LNX2: variants seen among roughly 807,000 people sequenced by gnomAD.
The protein encoded by LNX2 is ligand of Numb protein X 2.
In LNX2, 35 loss-of-function variants were observed where a neutral mutation model predicts 66.2. The ratio of observed to expected loss-of-function variants is 0.53; its 90% CI spans 0.40 to 0.70. The LOEUF (loss-of-function observed/expected upper bound fraction) is 0.70, where lower values mean the gene tolerates loss of function less well. LNX2 is among the 30% of genes least tolerant of loss of function. The pLI, the probability that LNX2 is intolerant of heterozygous loss-of-function variation, is 0.00. For synonymous variants in LNX2, 337 were observed against 315.6 expected, an observed-to-expected ratio of 1.07 and a Z score of -0.72; for missense variants, 791 against 850.8, an observed-to-expected ratio of 0.93 and a Z score of 0.87.
chr13:27,586,535 G>A (rs188203297), intron 1 of LNX2, among the ~76,000 whole-genome samples: 1 of 152,306 alleles, frequency 6.6e-6, no homozygotes, highest in African/African-American at 2.4e-5. Context: ...TCCCACAGGG[G>A]AGGAGCTCAA....
At position 27,547,098 on chromosome 13, in the gene LNX2, A is replaced by G. The variant is rs1274344736; in HGVS notation, c.*1237T>C. ...AAATACTCCTACCTGAACAAAATAA[A>G]AAGGTCTCCCTTTCTCCTACTTAGC... On this transcript the variant is annotated 3_prime_UTR_variant, in exon 10 of 10. Coordinates refer to ENST00000316334, the MANE Select transcript of LNX2 (RefSeq NM_153371.4). 1 of 152,200 alleles carries G rather than the reference A, an allele frequency of 6.6e-6. No individual in the cohort carries two copies. The highest frequency in any genetic ancestry group is 2.4e-5 in the African/African-American group (1 of 41,466). 9.4% of individuals were successfully genotyped at this position (152,200 alleles called of 1,614,324 possible).
chr13:27,560,001 ATACAT>A lies in LNX2; in HGVS notation c.1225-21_1225-17del, dbSNP rs375466733. The stretch of plus-strand genomic sequence containing the variant: ...CTCCACTGGCCTGGAGAAAACACAA[ATACAT>A]TACCATAAGTGACTAATGATGTTTG... On this transcript the variant is annotated splice_polypyrimidine_tract_variant and intron_variant, in intron 5 of 9. Transcript: ENST00000316334. The A allele has an allele frequency of 1.6e-5, 25 of 1,574,486 alleles. No homozygotes were observed. In the African/African-American group the frequency reaches 3.1e-4, roughly 20 times the overall value.
intron 1 of LNX2, among the ~76,000 whole-genome samples, chr13:27,606,180 A>G (rs1462151045): frequency 6.6e-6 from 1 of 152,220 alleles, no homozygotes; most frequent in Non-Finnish European, 1.5e-5. Flanking sequence ...TTGTACTACA[A>G]AATTCCCTAA....
chr13:27,579,867 C>A (rs1424696565), intron 2 of LNX2, among the ~76,000 whole-genome samples: 1 of 152,132 alleles, frequency 6.6e-6, no homozygotes. Context: ...AGGCCTCTGC[C>A]ATCATGTTCA....
intron 7 of LNX2, among the ~76,000 whole-genome samples, chr13:27,555,349 T>C (rs1018055545): frequency 3.9e-5 from 6 of 152,244 alleles, no homozygotes; most frequent in Admixed American, 1.3e-4. Flanking sequence ...TTCTGTCTTT[T>C]TAATTAGAGT....
chr13:27,556,406 G>C lies in LNX2; in HGVS notation c.1376C>G (p.Thr459Ser), dbSNP rs1566115684. 7.4e-6 allele frequency: 12 copies of C among 1,613,016 alleles called. No homozygotes were observed. Among genetic ancestry groups the C allele is most frequent in the Non-Finnish European group, 1.0e-5 (12 of 1,179,478 alleles). Reference protein sequence around the residue: ...YSRPSSHKDLTQCVTCQEKHI... With the variant: ...YSRPSSHKDLSQCVTCQEKHI... ...TTTTTCTTGGCATGTAACACACTGAGTAAGATCCTAAAACATACAAGAAAA... is the reference window on the plus strand; with the variant it reads ...TTTTTCTTGGCATGTAACACACTGACTAAGATCCTAAAACATACAAGAAAA... The change falls in exon 7 of 10, where the codon ACT becomes AGT. Residue 459 changes from threonine (T) to serine (S), a missense_variant. Coordinates refer to ENST00000316334, the MANE Select transcript of LNX2 (RefSeq NM_153371.4).
chr13:27,600,435 C>T (rs1821100007), intron 1 of LNX2, among the ~76,000 whole-genome samples: 1 of 152,024 alleles, frequency 6.6e-6, no homozygotes, highest in Non-Finnish European at 1.5e-5. Flanking sequence ...AAAATCTAAC[C>T]AGTAGATTAG....
intron 4 of LNX2, 106 bp from the exon 5 acceptor site, chr13:27,562,887 T>A: frequency 1.7e-6 from 2 of 1,149,702 alleles, no homozygotes; most frequent in Non-Finnish European, 2.5e-6. Flanking sequence ...GTGAGAGTGC[T>A]AAGTATGGTG....
Position 27,577,342 on chromosome 13 carries a change from A to G in LNX2, c.407+3955T>C, listed in dbSNP as rs774651666. ...ATACTGATAAGAATGTGCTAAACAC[A>G]AACTTCCCTCCAAGTTAAAGTGTGA... On this transcript the variant is annotated intron_variant, in intron 2 of 9. Transcript: ENST00000316334. Among the ~76,000 whole-genome samples the G allele has an allele frequency of 9.9e-5, 15 of 152,238 alleles. 1 individual carries two copies. Among genetic ancestry groups the G allele is most frequent in the Non-Finnish European group, 4.4e-5 (3 of 68,046 alleles).
chr13:27,619,733 T>C (rs529935782), intron 1 of LNX2, among the ~76,000 whole-genome samples: 10 of 152,340 alleles, frequency 6.6e-5, no homozygotes, highest in African/African-American at 1.9e-4. Context: ...GTTTAAAACG[T>C]GGCATACAGC....
At chr13:27,596,681 T>G (rs991023461) in intron 1 of LNX2, among the ~76,000 whole-genome samples, 1 of 152,230 alleles carries the variant, frequency 6.6e-6, no homozygotes, top group African/African-American at 2.4e-5. Flanking sequence ...ATAAAATCTT[T>G]CACAAAATCT....
chr13:27,592,019 CAGTA>C (rs1955550396), intron 1 of LNX2, among the ~76,000 whole-genome samples: 2 of 152,172 alleles, frequency 1.3e-5, no homozygotes, highest in Admixed American at 1.3e-4. Context: ...GTTCAATGAA[CAGTA>C]AGGAGGCCAG....
intron 4 of LNX2, among the ~76,000 whole-genome samples, chr13:27,565,372 C>A (rs886309023): frequency 6.6e-6 from 1 of 152,016 alleles, no homozygotes; most frequent in African/African-American, 2.4e-5. Flanking sequence ...GCTAAAAAGC[C>A]CAGAAGTGGG....
At chr13:27,572,985 C>G (rs1955301002) in intron 2 of LNX2, among the ~76,000 whole-genome samples, 1 of 152,170 alleles carries the variant, frequency 6.6e-6, no homozygotes, top group African/African-American at 2.4e-5. Flanking sequence ...AGTCTCTCCT[C>G]CATAAAAGCA....
chr13:27,557,207 T>C (rs1015186474), intron 6 of LNX2, among the ~76,000 whole-genome samples: 2 of 152,110 alleles, frequency 1.3e-5, no homozygotes, highest in Non-Finnish European at 2.9e-5. Context: ...GAAAAGCTAA[T>C]GCCTTTACAT....
At chr13:27,590,298 A>G (rs1955533409) in intron 1 of LNX2, among the ~76,000 whole-genome samples, 1 of 151,452 alleles carries the variant, frequency 6.6e-6, no homozygotes, top group Non-Finnish European at 1.5e-5. Flanking sequence ...GCAGTGGTGC[A>G]ATCTCGGCTC....
rs1954942348 is a variant in LNX2, at chr13:27,546,627, AAC to A, written c.*1706_*1707del. On this transcript the variant is annotated 3_prime_UTR_variant, in exon 10 of 10. Transcript: ENST00000316334. ...TCAGTGACATGCTACAGATACAATA[AAC>A]CCCAGCAATACAATTGCTAAGTTTC... The A allele has an allele frequency of 6.6e-6, 1 of 152,196 alleles. No individual in the cohort carries two copies. The highest frequency in any genetic ancestry group is 2.4e-5 in the African/African-American group (1 of 41,440). The allele number at this position is 152,196 out of a possible 1,614,324, so 9.4% of individuals were successfully genotyped here.
chr13:27,583,659 G>T (rs1270384333), intron 1 of LNX2, among the ~76,000 whole-genome samples: 1 of 152,056 alleles, frequency 6.6e-6, no homozygotes, highest in African/African-American at 2.4e-5. Flanking sequence ...TGAGGGATCA[G>T]GGATTAAATA....
At chr13:27,579,837 G>C (rs1333116156) in intron 2 of LNX2, among the ~76,000 whole-genome samples, 3 of 152,100 alleles carry the variant, frequency 2.0e-5, no homozygotes, top group Non-Finnish European at 4.4e-5. Flanking sequence ...ATATTCAAAA[G>C]ACCAGTGTCA....
Sources: gnomAD v4.1 joint callset for allele counts (sites outside exome capture counted in the v4.1 genomes callset) on GRCh38, gnomAD v4.1.1 for gene constraint, MANE v1.5 for transcripts, NCBI Gene and HGNC (gene_info 2026-07-23, HGNC 2026-07-21) for gene names.